The following CNTN5 variants were observed in gnomAD, a reference collection of about 807,000 sequenced individuals.
CNTN5 encodes the protein contactin-5.
In CNTN5, 77 loss-of-function variants were observed where a neutral mutation model predicts 129.1. The observed-to-expected ratio is 0.60, with a 90% confidence interval of 0.50 to 0.72. The LOEUF (loss-of-function observed/expected upper bound fraction) is 0.72, where lower values mean the gene tolerates loss of function less well. Ranked by LOEUF, CNTN5 falls within the 30% of genes least tolerant of loss-of-function variation. CNTN5 has a pLI of 0.00. For synonymous variants in CNTN5, 509 were observed against 465.6 expected, an observed-to-expected ratio of 1.09 and a Z score of -1.20; for missense variants, 1,478 against 1,328.8, an observed-to-expected ratio of 1.11 and a Z score of -1.75.
intron 2 of CNTN5, among the ~76,000 whole-genome samples, chr11:99,408,042 T>G (rs1942169460): frequency 6.6e-6 from 1 of 152,164 alleles, no homozygotes. Flanking sequence ...GCTCACCTTA[T>G]TTTTGGTTCT....
At chr11:99,346,701 A>T (rs1219775057) in intron 2 of CNTN5, among the ~76,000 whole-genome samples, 1 of 152,188 alleles carries the variant, frequency 6.6e-6, no homozygotes, top group African/African-American at 2.4e-5. Context: ...ATATTTAGAG[A>T]TGTGACCTCT....
chr11:99,807,470 G>A (rs1446924667), intron 3 of CNTN5, among the ~76,000 whole-genome samples: 1 of 152,096 alleles, frequency 6.6e-6, no homozygotes, highest in African/African-American at 2.4e-5. Context: ...TTAATTAAAT[G>A]CTTCTGAAGG....
chr11:99,904,373 C>T (rs924055892), intron 6 of CNTN5, among the ~76,000 whole-genome samples: 6 of 151,866 alleles, frequency 4.0e-5, no homozygotes, highest in African/African-American at 1.2e-4. Flanking sequence ...CTTCCACTTA[C>T]GAGTGAGAAC....
chr11:99,406,604 G>T (rs537804753), intron 2 of CNTN5, among the ~76,000 whole-genome samples: 1 of 152,252 alleles, frequency 6.6e-6, no homozygotes, highest in African/African-American at 2.4e-5. Context: ...TCAGCGGGTG[G>T]CCAAGCCAGC....
rs1380240976 is a variant in CNTN5 at position 99,134,485 on chromosome 11, C to T, written c.-210+113215C>T. ...CAATTAGAATATATTATAAATAAGG[C>T]TATTTCAGATGTCAGTGACCATGAG... On this transcript the variant is annotated intron_variant, in intron 1 of 24. Coordinates refer to ENST00000524871, the MANE Select transcript of CNTN5 (RefSeq NM_014361.4). Among the ~76,000 whole-genome samples the T allele has an allele frequency of 2.6e-5, 4 of 152,158 alleles. No individual in the cohort carries two copies. In the East Asian group the frequency reaches 5.8e-4, roughly 22 times the overall value.
rs182984118 is a variant in CNTN5, at chr11:99,949,167, T to C, written c.674-7639T>C. Among the ~76,000 whole-genome samples, 4 of 152,290 alleles carry C rather than the reference T, an allele frequency of 2.6e-5. No individual in the cohort carries two copies. The East Asian group carries it at 5.8e-4, about 22-fold the overall frequency. Reference sequence around the variant, plus strand: ...CCTGGAAAAATGTTGTCAAATCATATCTGAGAGTCCTCTTCACTGACTCTA... The same window carrying C: ...CCTGGAAAAATGTTGTCAAATCATACCTGAGAGTCCTCTTCACTGACTCTA... On this transcript the variant is annotated intron_variant, in intron 7 of 24. Transcript: ENST00000524871.
chr11:99,263,654 T>C (rs1263030398), intron 1 of CNTN5, among the ~76,000 whole-genome samples: 1 of 152,130 alleles, frequency 6.6e-6, no homozygotes, highest in East Asian at 1.9e-4. Context: ...TCTTGCCCTG[T>C]CACCCAGATG....
At chr11:100,233,478 A>G (rs1949537759) in intron 16 of CNTN5, among the ~76,000 whole-genome samples, 1 of 152,212 alleles carries the variant, frequency 6.6e-6, no homozygotes, top group Non-Finnish European at 1.5e-5. Context: ...TGTCATTACC[A>G]TCTATCTCTA....
intron 6 of CNTN5, among the ~76,000 whole-genome samples, chr11:99,877,912 A>G (rs771902856): frequency 6.6e-6 from 1 of 152,166 alleles, no homozygotes; most frequent in African/African-American, 2.4e-5. Context: ...CCACATTCTC[A>G]TCTTCCAGTT....
intron 1 of CNTN5, among the ~76,000 whole-genome samples, chr11:99,163,002 C>T (rs1860691418): frequency 6.6e-6 from 1 of 152,124 alleles, no homozygotes; most frequent in Non-Finnish European, 1.5e-5. Flanking sequence ...CGACACTCTG[C>T]TTTTAGTTTC....
chr11:99,259,464 C>T (rs768345680), intron 1 of CNTN5, among the ~76,000 whole-genome samples: 20 of 151,832 alleles, frequency 1.3e-4, no homozygotes, highest in Non-Finnish European at 2.7e-4. Flanking sequence ...CATTTATCTG[C>T]AGTGGTGAGC....
At chr11:99,851,182 A>C (rs1947862747) in intron 6 of CNTN5, among the ~76,000 whole-genome samples, 1 of 152,108 alleles carries the variant, frequency 6.6e-6, no homozygotes, top group Non-Finnish European at 1.5e-5. Flanking sequence ...GGTTCAGCTT[A>C]GTTAGTGTTA....
At chr11:99,518,942 T>C (rs1947165114) in intron 2 of CNTN5, among the ~76,000 whole-genome samples, 1 of 152,192 alleles carries the variant, frequency 6.6e-6, no homozygotes, top group Non-Finnish European at 1.5e-5. Flanking sequence ...AGCTCCACCC[T>C]TCTAATTTCT....
rs1033282778 is a variant in CNTN5 at position 99,879,489 on chromosome 11, A to G, written c.577+34227A>G. Among the ~76,000 whole-genome samples, 4 of 152,210 alleles carry G rather than the reference A, an allele frequency of 2.6e-5. No individual in the cohort carries two copies. In the South Asian group the frequency reaches 8.3e-4, roughly 32 times the overall value. On this transcript the variant is annotated intron_variant, in intron 6 of 24. Transcript: ENST00000524871. Reference sequence around the variant, plus strand: ...ATTGGACAGAACAGGTAAACATAGAAGCTCCCAAAACTATGCAGAGAATGA... The same window carrying G: ...ATTGGACAGAACAGGTAAACATAGAGGCTCCCAAAACTATGCAGAGAATGA...
At chr11:99,527,141 C>A (rs966982891) in intron 2 of CNTN5, among the ~76,000 whole-genome samples, 1 of 152,284 alleles carries the variant, frequency 6.6e-6, no homozygotes, top group Admixed American at 6.5e-5. Flanking sequence ...AGAATGTTTG[C>A]TTTTGGGCTA....
chr11:99,794,733 C>T (rs1332137996), intron 3 of CNTN5, among the ~76,000 whole-genome samples: 2 of 152,062 alleles, frequency 1.3e-5, no homozygotes, highest in Non-Finnish European at 2.9e-5. Flanking sequence ...TTTCTTTAAC[C>T]ATGCTGAATA....
intron 2 of CNTN5, among the ~76,000 whole-genome samples, chr11:99,478,667 T>C (rs1945475199): frequency 6.6e-6 from 1 of 152,094 alleles, no homozygotes; most frequent in Non-Finnish European, 1.5e-5. Flanking sequence ...GAGATGGTTG[T>C]TAAACCAAGA....
intron 13 of CNTN5, among the ~76,000 whole-genome samples, chr11:100,159,169 A>G (rs991263608): frequency 1.3e-5 from 2 of 151,848 alleles, no homozygotes; most frequent in Admixed American, 6.6e-5. Context: ...AATCATCACC[A>G]AAGTCAGACT....
At chr11:100,219,739 C>T (rs1949221518) in intron 15 of CNTN5, among the ~76,000 whole-genome samples, 1 of 152,150 alleles carries the variant, frequency 6.6e-6, no homozygotes, top group Non-Finnish European at 1.5e-5. Flanking sequence ...ATGTTTAATA[C>T]TTCATCATAA....
Sources: gnomAD v4.1 joint callset for allele counts (sites outside exome capture counted in the v4.1 genomes callset) on GRCh38, gnomAD v4.1.1 for gene constraint, MANE v1.5 for transcripts, NCBI Gene and HGNC (gene_info 2026-07-23, HGNC 2026-07-21) for gene names.